PCDHA11: variants seen among roughly 807,000 people sequenced by gnomAD.
PCDHA11 encodes protocadherin alpha-11.
A neutral mutation model predicts 70.3 loss-of-function variants in PCDHA11; 61 were observed. The observed-to-expected ratio is 0.87, with a 90% confidence interval of 0.71 to 1.07. The LOEUF (loss-of-function observed/expected upper bound fraction) is 1.07. Among genes scored for constraint, PCDHA11 ranks in the 50% least tolerant of loss-of-function variants. The pLI, the probability that PCDHA11 is intolerant of heterozygous loss-of-function variation, is 0.00. For missense variants in PCDHA11, 1,324 were observed against 1,237.5 expected, an observed-to-expected ratio of 1.07 and a Z score of -1.05; for synonymous variants, 633 against 555.1, an observed-to-expected ratio of 1.14 and a Z score of -1.97.
intron 1 of PCDHA11, chr5:140,968,411 G>C (rs895173088): frequency 1.9e-6 from 3 of 1,614,012 alleles, no homozygotes; most frequent in South Asian, 1.1e-5. Context: ...CTTTGTGACT[G>C]TGGAGGCTCA....
chr5:140,883,581 C>T (rs144119560), intron 1 of PCDHA11: 1 of 1,614,018 alleles, frequency 6.2e-7, no homozygotes, highest in Non-Finnish European at 8.5e-7. Flanking sequence ...CTGTGGGCCA[C>T]GGCCAGCGTG....
chr5:140,964,560 TGGGAGGAGATAAG>T (rs2095840156), intron 1 of PCDHA11, among the ~76,000 whole-genome samples: 1 of 152,082 alleles, frequency 6.6e-6, no homozygotes, highest in Admixed American at 6.6e-5. Context: ...CTTGGAGGGC[TGGGAGGAGATAAG>T]GGGAGGAAAG....
chr5:140,988,578 C>A (rs1490917539), intron 3 of PCDHA11, among the ~76,000 whole-genome samples: 1 of 152,138 alleles, frequency 6.6e-6, no homozygotes, highest in African/African-American at 2.4e-5. Context: ...ACACTCTGTA[C>A]CTTCCACTTT....
intron 1 of PCDHA11, chr5:140,875,895 T>C (rs2153332421): frequency 1.2e-6 from 2 of 1,614,196 alleles, no homozygotes; most frequent in Non-Finnish European, 1.7e-6. Flanking sequence ...AAAAGGTACC[T>C]GTTTCTGAAT....
At chr5:140,882,331 C>G (rs781801545) in intron 1 of PCDHA11, 3 of 1,614,214 alleles carry the variant, frequency 1.9e-6, no homozygotes, top group South Asian at 1.1e-5. Flanking sequence ...TTCTGATCCT[C>G]GCAGCCTGGG....
intron 1 of PCDHA11, among the ~76,000 whole-genome samples, chr5:140,963,380 G>A (rs1476855902): frequency 6.6e-6 from 1 of 152,198 alleles, no homozygotes; most frequent in Non-Finnish European, 1.5e-5. Context: ...GAGCACCTCT[G>A]TGCCAAGCTC....
At chr5:140,970,567 T>G (rs558796957) in intron 1 of PCDHA11, among the ~76,000 whole-genome samples, 7 of 152,284 alleles carry the variant, frequency 4.6e-5, no homozygotes, top group African/African-American at 1.7e-4. Context: ...TCCATATGTA[T>G]GCTTGAAATA....
intron 1 of PCDHA11, chr5:140,966,538 C>G: frequency 2.2e-6 from 1 of 463,262 alleles, no homozygotes; most frequent in Non-Finnish European, 3.7e-6. Flanking sequence ...GGTTGAGCGA[C>G]TCGGAGGCGA....
intron 1 of PCDHA11, among the ~76,000 whole-genome samples, chr5:140,924,926 TAAAATAAAATAAAAA>T (rs1425116753): frequency 8.4e-6 from 1 of 119,430 alleles, no homozygotes; most frequent in Non-Finnish European, 1.8e-5. Flanking sequence ...TAAAATAAAA[TAAAATAAAATAAAAA>T]GTTAAAAAAA....
intron 1 of PCDHA11, chr5:140,882,678 A>G: frequency 6.2e-7 from 1 of 1,614,250 alleles, no homozygotes; most frequent in East Asian, 2.2e-5. Flanking sequence ...CCTGAAAGCA[A>G]GAAACGAATA....
At chr5:140,968,116 A>C in intron 1 of PCDHA11, 1 of 1,614,174 alleles carries the variant, frequency 6.2e-7, no homozygotes, top group South Asian at 1.1e-5. Context: ...CGCAGCTCAC[A>C]TCCCTGCGTA....
At chr5:140,882,282 G>A in intron 1 of PCDHA11, 3 of 1,612,830 alleles carry the variant, frequency 1.9e-6, no homozygotes, top group Non-Finnish European at 2.5e-6. Context: ...CTGTCTTCCT[G>A]GCAAGGAGGC....
At chr5:140,923,299 G>A (rs921157994) in intron 1 of PCDHA11, among the ~76,000 whole-genome samples, 17 of 152,330 alleles carry the variant, frequency 1.1e-4, no homozygotes, top group Middle Eastern at 3.4e-3. Context: ...TTAGCTGGGC[G>A]TGGGGGCGCT....
At chr5:140,978,420 G>A (rs1489182751) in intron 1 of PCDHA11, among the ~76,000 whole-genome samples, 3 of 152,220 alleles carry the variant, frequency 2.0e-5, no homozygotes, top group African/African-American at 7.2e-5. Flanking sequence ...AAAAGAGACT[G>A]TTATCAGTTG....
intron 1 of PCDHA11, chr5:140,884,394 G>A (rs2060142596): frequency 3.7e-6 from 6 of 1,613,880 alleles, no homozygotes; most frequent in East Asian, 2.2e-5. Flanking sequence ...GCGGTGTCCA[G>A]CCTGTTGGTG....
chr5:141,011,752 C>T lies in PCDHA11; in HGVS notation c.*1815C>T, dbSNP rs1051150394. On this transcript the variant is annotated 3_prime_UTR_variant, in exon 4 of 4. Transcript: ENST00000398640. ...CAAGCACAAATTTTACCAATCTGAC[C>T]TCTTTGAAGTTGCAGAATGCTTTGA... The T allele has an allele frequency of 6.5e-6, 1 of 153,662 alleles. No homozygotes were observed. The highest frequency in any genetic ancestry group is 6.5e-5 in the Admixed American group (1 of 15,272). The allele number at this position is 153,662 out of a possible 1,614,324, so 9.5% of individuals were successfully genotyped here. A position where few individuals can be genotyped will look rare whatever the true frequency, so the allele number is the denominator to read the frequency against.
intron 3 of PCDHA11, among the ~76,000 whole-genome samples, chr5:141,000,409 ATATATATATATATTT>A (rs2097918498): frequency 1.1e-5 from 1 of 94,040 alleles, no homozygotes; most frequent in East Asian, 3.1e-4. Flanking sequence ...ATATATATAT[ATATATATATATATTT>A]TTTTTTTTTT....
At chr5:140,908,895 G>A (rs1381470212) in intron 1 of PCDHA11, among the ~76,000 whole-genome samples, 1 of 152,158 alleles carries the variant, frequency 6.6e-6, no homozygotes, top group Non-Finnish European at 1.5e-5. Flanking sequence ...TCCCAAATAA[G>A]CCTCTTTCGT....
chr5:140,915,615 A>C (rs948306385), intron 1 of PCDHA11, among the ~76,000 whole-genome samples: 5 of 142,332 alleles, frequency 3.5e-5, no homozygotes, highest in Admixed American at 7.1e-5. Flanking sequence ...TCTGTCAAAC[A>C]GTCTCTTTCT....
Sources: allele counts gnomAD v4.1 joint callset (sites outside exome capture counted in the v4.1 genomes callset), GRCh38; gene constraint gnomAD v4.1.1; transcripts MANE v1.5; gene names NCBI Gene and HGNC (gene_info 2026-07-23, HGNC 2026-07-21).